NEDD1: variants seen among roughly 807,000 people sequenced by gnomAD.
NEDD1 encodes protein NEDD1.
In NEDD1, 33 loss-of-function variants were observed where a neutral mutation model predicts 74.0. That is an observed-to-expected ratio of 0.45 (90% CI 0.34 to 0.60). The LOEUF (loss-of-function observed/expected upper bound fraction) is 0.60, where lower values mean the gene tolerates loss of function less well. Ranked by LOEUF, NEDD1 falls within the 20% of genes least tolerant of loss-of-function variation. NEDD1 has a pLI of 0.01. For synonymous variants in NEDD1, 250 were observed against 264.4 expected, an observed-to-expected ratio of 0.95 and a Z score of 0.53; for missense variants, 746 against 776.5, an observed-to-expected ratio of 0.96 and a Z score of 0.47.
At chr12:96,919,566 T>C (rs546517788) in intron 5 of NEDD1, among the ~76,000 whole-genome samples, 1 of 152,304 alleles carries the variant, frequency 6.6e-6, no homozygotes, top group African/African-American at 2.4e-5. Context: ...TTCTCTAAGG[T>C]TGAACTCCAG....
At chr12:96,919,045 CTTAG>C (rs768304482) in intron 5 of NEDD1, among the ~76,000 whole-genome samples, 11 of 152,252 alleles carry the variant, frequency 7.2e-5, no homozygotes, top group Non-Finnish European at 1.3e-4. Flanking sequence ...AGATACAGGG[CTTAG>C]TTTGTTTGTA....
chr12:96,944,775 T>A lies in NEDD1; in HGVS notation c.1634T>A (p.Ile545Asn). The change falls in exon 13 of 16, where the codon ATC becomes AAC. Residue 545 changes from isoleucine to asparagine, a missense_variant. Around this residue, in one of 3 missense-constraint regions of NEDD1, gnomAD observed 706 missense variants for 706.7 expected, o/e 1.00. Transcript: ENST00000266742. The part of the protein sequence containing the change: ...IEAQLICEPP[I>N]NGSSTPNPKI... ...GCCCAGTTGATATGTGAACCCCCAA[T>A]CAATGGATCCTCAACTCCAAGTAAG... The A allele has an allele frequency of 6.4e-7, 1 of 1,566,176 alleles. No individual in the cohort carries two copies. Among genetic ancestry groups the A allele is most frequent in the Non-Finnish European group, 8.6e-7 (1 of 1,161,534 alleles).
At chr12:96,913,986 A>G (rs761289851) in intron 4 of NEDD1, among the ~76,000 whole-genome samples, 1 of 152,188 alleles carries the variant, frequency 6.6e-6, no homozygotes, top group African/African-American at 2.4e-5. Flanking sequence ...TCCTAAAGGT[A>G]TCCAGTGGGA....
At chr12:96,944,372 A>C (rs1877980403) in intron 12 of NEDD1, among the ~76,000 whole-genome samples, 1 of 151,902 alleles carries the variant, frequency 6.6e-6, no homozygotes, top group Non-Finnish European at 1.5e-5. Flanking sequence ...TTTGCCAGTT[A>C]TCTCTATTTT....
chr12:96,951,573 G>T, intron 15 of NEDD1, 75 bp downstream of exon 15: 1 of 781,982 alleles, frequency 1.3e-6, no homozygotes, highest in East Asian at 2.7e-5. Context: ...TCCATGAAAG[G>T]TAATATATTT....
chr12:96,926,974 GAAA>G (rs1165418250), intron 6 of NEDD1, among the ~76,000 whole-genome samples: 1 of 119,196 alleles, frequency 8.4e-6, no homozygotes, highest in South Asian at 3.1e-4. Context: ...GTGACAGAGC[GAAA>G]AAAAAAAAAA....
intron 9 of NEDD1, among the ~76,000 whole-genome samples, chr12:96,937,692 CTGAA>C (rs1877269466): frequency 6.6e-6 from 1 of 152,082 alleles, no homozygotes; most frequent in Non-Finnish European, 1.5e-5. Flanking sequence ...CTACTAAAGA[CTGAA>C]TGGCTTTTCA....
intron 6 of NEDD1, chr12:96,924,683 A>C (rs1276710476): frequency 4.9e-6 from 1 of 204,442 alleles, no homozygotes; most frequent in Non-Finnish European, 1.0e-5. Context: ...AATTCACTTA[A>C]TAGTTTGGAC....
intron 6 of NEDD1, among the ~76,000 whole-genome samples, chr12:96,929,592 CACACACACAT>C (rs1398729635): frequency 1.7e-5 from 1 of 60,226 alleles, no homozygotes; most frequent in African/African-American, 7.7e-5. Flanking sequence ...CACACACACA[CACACACACAT>C]ATGTGTATAT....
In NEDD1 at chr12:96,942,575, A is replaced by G; in HGVS notation, c.1247-2A>G. Reference sequence around the variant, plus strand: ...AAAATTTGATTTTCTAATTTGTTATAGATGCTGTAGTTAACAAGGGAAGTG... The same window carrying G: ...AAAATTTGATTTTCTAATTTGTTATGGATGCTGTAGTTAACAAGGGAAGTG... On this transcript the variant is annotated splice_acceptor_variant, in intron 10 of 15. Transcript: ENST00000266742. LOFTEE classifies it high-confidence loss of function. The G allele has an allele frequency of 1.4e-6, 2 of 1,446,260 alleles. No individual in the cohort carries two copies. The highest frequency in any genetic ancestry group is 1.9e-6 in the Non-Finnish European group (2 of 1,030,860). The allele number at this position is 1,446,260 out of a possible 1,614,324, so 89.6% of individuals were successfully genotyped here. A position where few individuals can be genotyped will look rare whatever the true frequency, so the allele number is the denominator to read the frequency against.
At chr12:96,938,898 C>G (rs1877392307) in intron 9 of NEDD1, among the ~76,000 whole-genome samples, 1 of 152,024 alleles carries the variant, frequency 6.6e-6, no homozygotes, top group Non-Finnish European at 1.5e-5. Context: ...AGTCTCAGAT[C>G]TGTCACTTCC....
chr12:96,932,195 T>C (rs879774983), intron 6 of NEDD1, among the ~76,000 whole-genome samples: 15 of 151,032 alleles, frequency 9.9e-5, no homozygotes, highest in South Asian at 2.1e-4. Flanking sequence ...CGGGATTTTT[T>C]CCCCCCCATA....
At chr12:96,914,592 CT>C (rs1874250978) in intron 4 of NEDD1, among the ~76,000 whole-genome samples, 1 of 151,890 alleles carries the variant, frequency 6.6e-6, no homozygotes, top group African/African-American at 2.4e-5. Context: ...TGCTAATAAC[CT>C]TTTTGTAACT....
chr12:96,931,557 G>A (rs367957450), intron 6 of NEDD1, among the ~76,000 whole-genome samples: 3 of 152,080 alleles, frequency 2.0e-5, no homozygotes, highest in Non-Finnish European at 4.4e-5. Flanking sequence ...AACCTTTAAG[G>A]CATGAACATC....
At chr12:96,921,548 A>G (rs552605060) in intron 6 of NEDD1, among the ~76,000 whole-genome samples, 41 of 152,004 alleles carry the variant, frequency 2.7e-4, no homozygotes, top group African/African-American at 9.2e-4. Context: ...TCCTCAGTCT[A>G]TTTTCTAGTT....
chr12:96,929,562 C>T (rs1876125732), intron 6 of NEDD1, among the ~76,000 whole-genome samples: 1 of 23,538 alleles, frequency 4.2e-5, no homozygotes, highest in South Asian at 1.4e-3. Context: ...TGTATACACA[C>T]ACACACACAC....
At chr12:96,932,185 C>T (rs866415740) in intron 6 of NEDD1, among the ~76,000 whole-genome samples, 5 of 150,944 alleles carry the variant, frequency 3.3e-5, no homozygotes, top group African/African-American at 4.9e-5. Flanking sequence ...CTTATACTGC[C>T]GGGATTTTTT....
chr12:96,951,517 ATT>A lies in NEDD1; in HGVS notation c.1878+22_1878+23del. On this transcript the variant is annotated intron_variant, in intron 15 of 15. Coordinates refer to ENST00000266742, the MANE Select transcript of NEDD1 (RefSeq NM_152905.4). Reference sequence around the variant, plus strand: ...GCAACTGGTATGTATGGCAAATTTTATTTTAATATTTTAAATGAAAGTAGAGT... The same window carrying A: ...GCAACTGGTATGTATGGCAAATTTTATTAATATTTTAAATGAAAGTAGAGT... The A allele has an allele frequency of 8.4e-7, 1 of 1,185,360 alleles. No homozygotes were observed. Among genetic ancestry groups the A allele is most frequent in the Non-Finnish European group, 1.2e-6 (1 of 806,422 alleles). 73.4% of individuals were successfully genotyped at this position (1,185,360 alleles called of 1,614,324 possible). A position where few individuals can be genotyped will look rare whatever the true frequency, so the allele number is the denominator to read the frequency against.
At chr12:96,909,265 C>T (rs1301557405) in intron 2 of NEDD1, among the ~76,000 whole-genome samples, 1 of 152,052 alleles carries the variant, frequency 6.6e-6, no homozygotes, top group Non-Finnish European at 1.5e-5. Context: ...TGCTAAGTCC[C>T]TTACCAGGTA....
Sources: gnomAD v4.1 joint callset for allele counts (sites outside exome capture counted in the v4.1 genomes callset) on GRCh38, gnomAD v4.1.1 for gene constraint, gnomAD v4.1.1 regional missense constraint, MANE v1.5 for transcripts, NCBI Gene and HGNC (gene_info 2026-07-23, HGNC 2026-07-21) for gene names.